Variants in GLIPR2 observed in about 807,000 individuals in gnomAD.
GLIPR2 encodes Golgi-associated plant pathogenesis-related protein 1.
Under a neutral mutation model 20.4 loss-of-function variants are expected in GLIPR2, and 21 were observed. That is an observed-to-expected ratio of 1.03 (90% confidence interval 0.73 to 1.48). The LOEUF (loss-of-function observed/expected upper bound fraction) is 1.48. Ranked by LOEUF, GLIPR2 falls within the 40% of genes most tolerant of loss-of-function variation. The pLI is 0.00. For missense variants in GLIPR2, 205 were observed against 200.1 expected, an observed-to-expected ratio of 1.02 and a Z score of -0.15; for synonymous variants, 91 against 80.5, an observed-to-expected ratio of 1.13 and a Z score of -0.70.
upstream of GLIPR2, chr9:36,136,557 C>A (rs1824822255): frequency 5.7e-6 from 2 of 353,852 alleles, no homozygotes; most frequent in Non-Finnish European, 1.0e-5. This position sits in a 1 kb window ranked among gnomAD's most constrained non-coding sequence, Gnocchi z 4.3. Flanking sequence ...GGGGAGCCCT[C>A]GGCAGTCGCG....
At chr9:36,145,550 A>AGATG (rs1221206820) in intron 1 of GLIPR2, among the ~76,000 whole-genome samples, 12 of 152,242 alleles carry the variant, frequency 7.9e-5, no homozygotes, top group Non-Finnish European at 2.9e-5. Flanking sequence ...AATGGAGGAT[A>AGATG]GATGGATGGA....
intron 1 of GLIPR2, among the ~76,000 whole-genome samples, chr9:36,137,497 G>A (rs771309211): frequency 6.6e-6 from 1 of 152,154 alleles, no homozygotes; most frequent in Non-Finnish European, 1.5e-5. Flanking sequence ...AGGTTTCCTT[G>A]CCGGGCCTTC....
intron 4 of GLIPR2, among the ~76,000 whole-genome samples, chr9:36,160,693 T>G (rs1007843813): frequency 1.3e-5 from 2 of 151,272 alleles, no homozygotes; most frequent in African/African-American, 4.9e-5. Flanking sequence ...GGGGAGCGAG[T>G]GAAGGATTGT....
At chr9:36,146,322 G>T (rs1028563895) in intron 1 of GLIPR2, 2 of 152,120 alleles carry the variant, frequency 1.3e-5, no homozygotes, top group African/African-American at 4.8e-5. Flanking sequence ...TCACTCCTCC[G>T]CATGGTTACA....
intron 4 of GLIPR2, among the ~76,000 whole-genome samples, chr9:36,153,635 T>C (rs1040575595): frequency 6.6e-6 from 1 of 152,098 alleles, no homozygotes; most frequent in Non-Finnish European, 1.5e-5. Context: ...GTGCGGTGGC[T>C]CACACCTGTA....
chr9:36,158,684 GAC>G (rs965476217), intron 4 of GLIPR2, among the ~76,000 whole-genome samples: 13 of 152,194 alleles, frequency 8.5e-5, no homozygotes, highest in African/African-American at 3.1e-4. Context: ...GCCATCCTGT[GAC>G]ACAGAAAATA....
intron 3 of GLIPR2, among the ~76,000 whole-genome samples, chr9:36,149,028 G>A (rs978464171): frequency 1.3e-5 from 2 of 152,170 alleles, no homozygotes; most frequent in African/African-American, 4.8e-5. Context: ...TTTTCTTCCC[G>A]AGAAATTTTA....
At chr9:36,138,534 G>A (rs944994218) in intron 1 of GLIPR2, among the ~76,000 whole-genome samples, 4 of 152,154 alleles carry the variant, frequency 2.6e-5, no homozygotes, top group Admixed American at 2.0e-4. Flanking sequence ...TTAATCAGTT[G>A]TTTCTGGCAT....
chr9:36,145,805 G>A (rs772177516), intron 1 of GLIPR2, among the ~76,000 whole-genome samples: 5 of 152,154 alleles, frequency 3.3e-5, no homozygotes, highest in Non-Finnish European at 7.3e-5. Flanking sequence ...ATGTTGGATG[G>A]ATGGATGGAT....
rs41277087 is a variant in GLIPR2 at position 36,144,108 on chromosome 9, G to A, written c.14-3678G>A. On this transcript the variant is annotated intron_variant, in intron 1 of 4. Transcript: ENST00000377960. ...CAGCCCGTGGCCCAAGAACCCATGG[G>A]TTCCTGGAGGCCATGCTACCCAGCT... Among the ~76,000 whole-genome samples the A allele has an allele frequency of 9.9e-3, 1,511 of 152,190 alleles. 6 individuals are homozygous for A. Among genetic ancestry groups the A allele is most frequent in the Non-Finnish European group, 0.015 (1,010 of 68,000 alleles).
chr9:36,154,763 G>A (rs1402312338), intron 4 of GLIPR2, among the ~76,000 whole-genome samples: 4 of 152,226 alleles, frequency 2.6e-5, no homozygotes, highest in African/African-American at 9.6e-5. Flanking sequence ...CGAGAAGAAA[G>A]ATTGCTCAGC....
At chr9:36,149,439 C>T (rs1337457575) in intron 3 of GLIPR2, among the ~76,000 whole-genome samples, 1 of 152,248 alleles carries the variant, frequency 6.6e-6, no homozygotes, top group Admixed American at 6.5e-5. Context: ...CACTGGGAGG[C>T]ATGTGTGAAC....
intron 1 of GLIPR2, among the ~76,000 whole-genome samples, chr9:36,141,600 G>A (rs1825084234): frequency 6.6e-6 from 1 of 152,158 alleles, no homozygotes; most frequent in Non-Finnish European, 1.5e-5. Context: ...GGAAGAGCCT[G>A]TCTCAGCCAA....
intron 4 of GLIPR2, among the ~76,000 whole-genome samples, chr9:36,151,758 C>T (rs890329085): frequency 6.6e-6 from 1 of 152,168 alleles, no homozygotes; most frequent in African/African-American, 2.4e-5. Context: ...TCTGGGCAGC[C>T]GCCCTGTGCC....
chr9:36,159,442 T>A (rs144888460), intron 4 of GLIPR2, among the ~76,000 whole-genome samples: 2 of 152,332 alleles, frequency 1.3e-5, no homozygotes, highest in East Asian at 3.9e-4. Context: ...CACTCATTCT[T>A]TCAAACATTT....
intron 1 of GLIPR2, among the ~76,000 whole-genome samples, chr9:36,146,835 C>G (rs1251200141): frequency 2.0e-5 from 3 of 151,742 alleles, no homozygotes; most frequent in Non-Finnish European, 4.4e-5. Flanking sequence ...CCGGCTTCAG[C>G]TCTCGGGTGG....
intron 1 of GLIPR2, among the ~76,000 whole-genome samples, chr9:36,143,638 G>A (rs573291632): frequency 6.6e-6 from 1 of 152,196 alleles, no homozygotes; most frequent in East Asian, 1.9e-4. Flanking sequence ...GCACGTCTTG[G>A]GTCAGTTGTT....
chr9:36,150,674 C>G (rs1410893897), intron 3 of GLIPR2, among the ~76,000 whole-genome samples, 198 bp from the exon 4 acceptor site: 1 of 152,208 alleles, frequency 6.6e-6, no homozygotes, highest in East Asian at 1.9e-4. Flanking sequence ...CCAGAAGGCC[C>G]ACTCTTCAGC....
chr9:36,158,439 AC>A (rs931774726), intron 4 of GLIPR2, among the ~76,000 whole-genome samples: 2 of 151,520 alleles, frequency 1.3e-5, no homozygotes, highest in Non-Finnish European at 2.9e-5. Context: ...TTTCTTAACC[AC>A]CCTATGGGAA....
Sources: allele counts gnomAD v4.1 joint callset (sites outside exome capture counted in the v4.1 genomes callset), GRCh38; gene constraint gnomAD v4.1.1; non-coding constraint Gnocchi (gnomAD v3.1); transcripts MANE v1.5; gene names NCBI Gene and HGNC (gene_info 2026-07-23, HGNC 2026-07-21).